Variants in GOLGB1 observed in about 807,000 individuals in gnomAD.
GOLGB1 encodes golgin subfamily B member 1.
A neutral mutation model predicts 336.9 loss-of-function variants in GOLGB1; 174 were observed. The observed-to-expected ratio is 0.52, with a 90% CI of 0.46 to 0.59. GOLGB1 has a LOEUF of 0.59. Ranked by LOEUF, GOLGB1 falls within the 20% of genes least tolerant of loss-of-function variation. The pLI, the probability that GOLGB1 is intolerant of heterozygous loss-of-function variation, is 0.00. For synonymous variants in GOLGB1, 1,208 were observed against 1,289.2 expected (o/e 0.94, Z 1.35); for missense variants, 3,331 against 3,645.3 (o/e 0.91, Z 2.22).
intron 10 of GOLGB1, among the ~76,000 whole-genome samples, chr3:121,710,551 T>C (rs900084193): frequency 6.6e-6 from 1 of 152,158 alleles, no homozygotes; most frequent in Non-Finnish European, 1.5e-5. Context: ...TCAACAAATG[T>C]ATTGGGGTTG....
chr3:121,696,224 C>T lies in GOLGB1; in HGVS notation c.4299G>A (p.Glu1433=), dbSNP rs199968755. The change falls in exon 13 of 22, where the codon GAG becomes GAA. Residue 1433 remains glutamate, a synonymous_variant. Transcript: ENST00000614479. ...TAATTAAATCTTCTTGTTCTATTATCTCTGTCTGTATTTTAGTGAGAGCTG... is the reference window on the plus strand; with the variant it reads ...TAATTAAATCTTCTTGTTCTATTATTTCTGTCTGTATTTTAGTGAGAGCTG... The part of the protein sequence containing the change: ...KEAALTKIQT[E]IIEQEDLIKA... 9 of 1,614,088 alleles carry T rather than the reference C, an allele frequency of 5.6e-6. No individual in the cohort carries two copies. Among genetic ancestry groups the T allele is most frequent in the Non-Finnish European group, 7.6e-6 (9 of 1,179,952 alleles).
At chr3:121,719,163 T>C (rs1056395841) in intron 7 of GOLGB1, among the ~76,000 whole-genome samples, 1 of 152,244 alleles carries the variant, frequency 6.6e-6, no homozygotes, top group Non-Finnish European at 1.5e-5. Context: ...TAAAATACTT[T>C]GAGTTAGTAG....
At chr3:121,701,140 C>T (rs1413884451) in intron 11 of GOLGB1, among the ~76,000 whole-genome samples, 1 of 152,050 alleles carries the variant, frequency 6.6e-6, no homozygotes, top group Admixed American at 6.6e-5. Context: ...ACATGACATA[C>T]AAGGTAAAAG....
chr3:121,683,852 G>A (rs192047344), intron 14 of GOLGB1, among the ~76,000 whole-genome samples: 4 of 152,132 alleles, frequency 2.6e-5, no homozygotes, highest in South Asian at 4.2e-4. Context: ...TCTACCGGCC[G>A]GGGACGGTGG....
chr3:121,714,719 T>C (rs1944621534), intron 10 of GOLGB1, 142 bp downstream of exon 10: 9 of 640,836 alleles, frequency 1.4e-5, no homozygotes, highest in East Asian at 5.7e-5. Flanking sequence ...TCAAATAGAA[T>C]TGTCCTCAAA....
At chr3:121,748,345 C>G (rs920881669) in intron 1 of GOLGB1, among the ~76,000 whole-genome samples, 3 of 152,112 alleles carry the variant, frequency 2.0e-5, no homozygotes, top group African/African-American at 7.2e-5. Flanking sequence ...TAATTAAACA[C>G]ACAACATTTG....
chr3:121,736,826 C>T (rs193113535), intron 1 of GOLGB1, among the ~76,000 whole-genome samples: 1 of 152,082 alleles, frequency 6.6e-6, no homozygotes, highest in Admixed American at 6.6e-5. Flanking sequence ...ATCACTTGAA[C>T]CTGGGAGACA....
chr3:121,687,658 T>C (rs1337105365), intron 14 of GOLGB1, among the ~76,000 whole-genome samples: 2 of 152,210 alleles, frequency 1.3e-5, no homozygotes, highest in African/African-American at 4.8e-5. Flanking sequence ...GCTGTAACTA[T>C]CCAGCAGACA....
chr3:121,667,672 G>A, intron 19 of GOLGB1, 62 bp from the exon 20 acceptor site: 1 of 1,468,010 alleles, frequency 6.8e-7, no homozygotes, highest in Admixed American at 1.8e-5. Context: ...CTAATACAAG[G>A]GATTCAAAGT....
intron 11 of GOLGB1, among the ~76,000 whole-genome samples, chr3:121,701,997 A>T (rs980787280): frequency 6.6e-6 from 1 of 152,126 alleles, no homozygotes; most frequent in African/African-American, 2.4e-5. Flanking sequence ...GATGAGTAAC[A>T]ATCATCCAGA....
At chr3:121,704,463 A>C (rs894310235) in intron 10 of GOLGB1, among the ~76,000 whole-genome samples, 1 of 152,206 alleles carries the variant, frequency 6.6e-6, no homozygotes, top group Non-Finnish European at 1.5e-5. Context: ...AGGCCAGAAG[A>C]GGGAAACACC....
At chr3:121,672,474 G>A (rs1208576225) in intron 17 of GOLGB1, among the ~76,000 whole-genome samples, 3 of 152,154 alleles carry the variant, frequency 2.0e-5, no homozygotes, top group African/African-American at 4.8e-5. Flanking sequence ...TTTAAGTTGA[G>A]TTATTTGTTT....
Position 121,677,416 on chromosome 3 carries a change from T to C in GOLGB1, c.8908A>G (p.Arg2970Gly). Residue 2970 changes from arginine (R) to glycine (G), a missense_variant, in exon 16 of 22, where the codon AGA becomes GGA. Arg to Gly is a moderately radical substitution (Grantham distance 125, BLOSUM62 -2). Coordinates refer to ENST00000614479, the MANE Select transcript of GOLGB1 (RefSeq NM_001366282.2). ...EKSSWEIHER[R>G]MKEQYLMAIS... The stretch of plus-strand genomic sequence containing the variant: ...GCCATAAGGTACTGTTCCTTCATTC[T>C]CCTCTCATGTATTTCCCAGGAACTC... The C allele has an allele frequency of 1.2e-6, 2 of 1,608,788 alleles. No homozygotes were observed. Among genetic ancestry groups the C allele is most frequent in the Non-Finnish European group, 1.7e-6 (2 of 1,175,290 alleles).
chr3:121,747,968 A>G (rs1406408084), intron 1 of GOLGB1, among the ~76,000 whole-genome samples: 4 of 152,100 alleles, frequency 2.6e-5, no homozygotes, highest in Non-Finnish European at 4.4e-5. Flanking sequence ...GGTATTCCTA[A>G]TAGTAATTAA....
intron 1 of GOLGB1, among the ~76,000 whole-genome samples, chr3:121,745,485 T>C (rs959127702): frequency 8.1e-5 from 12 of 147,618 alleles, no homozygotes; most frequent in Non-Finnish European, 1.5e-4. Context: ...CACGTGTATG[T>C]ATATATACAT....
chr3:121,694,300 G>A lies in GOLGB1; in HGVS notation c.6223C>T (p.Arg2075Cys), dbSNP rs1176116375. 6 of 1,609,904 alleles carry A rather than the reference G, an allele frequency of 3.7e-6. No individual in the cohort carries two copies. Among genetic ancestry groups the A allele is most frequent in the Admixed American group, 1.7e-5 (1 of 59,804 alleles). Reference protein sequence around the residue: ...KENLAQAVEHRKKAQAELASF... With the variant: ...KENLAQAVEHCKKAQAELASF... ...GCTAATTCTGCTTGTGCCTTTTTGC[G>A]GTGTTCAACTGCTTGAGCCAGATTT... is the stretch of plus-strand genomic sequence containing the variant. Residue 2075 changes from arginine (R) to cysteine (C), a missense_variant, in exon 13 of 22, where the codon CGC (arginine) becomes TGC (cysteine). Coordinates refer to ENST00000614479, the MANE Select transcript of GOLGB1 (RefSeq NM_001366282.2).
intron 17 of GOLGB1, among the ~76,000 whole-genome samples, chr3:121,670,756 G>GC (rs11427070): frequency 6.2e-5 from 4 of 64,282 alleles, no homozygotes; most frequent in Non-Finnish European, 9.7e-5. Flanking sequence ...GTTTTCTTTT[G>GC]GGGGGGGGGG....
At chr3:121,731,593 C>A (rs574846574) in intron 1 of GOLGB1, among the ~76,000 whole-genome samples, 1 of 152,120 alleles carries the variant, frequency 6.6e-6, no homozygotes, top group Non-Finnish European at 1.5e-5. Context: ...CTCCATGATA[C>A]TGCAACATTT....
chr3:121,678,592 G>A (rs764306086), intron 15 of GOLGB1, among the ~76,000 whole-genome samples: 17 of 149,802 alleles, frequency 1.1e-4, no homozygotes, highest in Admixed American at 2.0e-4. Flanking sequence ...TTTTGAAACA[G>A]GGTCTCACTC....
Sources: gnomAD v4.1 joint callset for allele counts (sites outside exome capture counted in the v4.1 genomes callset) on GRCh38, gnomAD v4.1.1 for gene constraint, MANE v1.5 for transcripts, NCBI Gene and HGNC (gene_info 2026-07-23, HGNC 2026-07-21) for gene names.